Variants in DOCK1 observed in about 807,000 individuals in gnomAD.
DOCK1 encodes the protein dedicator of cytokinesis protein 1.
Under a neutral mutation model 262.7 loss-of-function variants are expected in DOCK1, and 138 were observed. That is an observed-to-expected ratio of 0.53 (90% CI 0.46 to 0.61). The LOEUF (loss-of-function observed/expected upper bound fraction) is 0.61, where lower values mean the gene tolerates loss of function less well. Ranked by LOEUF, DOCK1 falls within the 20% of genes least tolerant of loss-of-function variation. The pLI, the probability that DOCK1 is intolerant of heterozygous loss-of-function variation, is 0.00. For synonymous variants in DOCK1, 866 were observed against 867.4 expected, an observed-to-expected ratio of 1.00 and a Z score of 0.03; for missense variants, 1,908 against 2,370.7, an observed-to-expected ratio of 0.80 and a Z score of 4.05.
intron 16 of DOCK1, among the ~76,000 whole-genome samples, chr10:127,031,133 T>C (rs2043210538): frequency 6.6e-6 from 1 of 152,186 alleles, no homozygotes; most frequent in South Asian, 2.1e-4. Flanking sequence ...TTGATTTTAG[T>C]TTTCTGTATT....
Position 127,339,063 on chromosome 10 carries a change from T to C in DOCK1, c.3102T>C (p.Asp1034=). 6.3e-7 allele frequency: 1 copy of C among 1,577,284 alleles called. No individual in the cohort carries two copies. Among genetic ancestry groups the C allele is most frequent in the Admixed American group, 1.8e-5 (1 of 54,808 alleles). The change falls in exon 30 of 52, where the codon GAT becomes GAC. Residue 1034 remains aspartate (D), a synonymous_variant. Coordinates refer to ENST00000623213, the MANE Select transcript of DOCK1 (RefSeq NM_001290223.2). ...ATATGCTGAACAAAAAATTTCTGGATCAAGCCAACTTTGAGCTACAGGTAA... is the reference window on the plus strand; with the variant it reads ...ATATGCTGAACAAAAAATTTCTGGACCAAGCCAACTTTGAGCTACAGGTAA... ...YADMLNKKFL[D]QANFELQLWN... is the part of the protein sequence containing the mutation.
At chr10:126,974,089 G>A (rs896314627) in intron 2 of DOCK1, among the ~76,000 whole-genome samples, 3 of 152,150 alleles carry the variant, frequency 2.0e-5, no homozygotes, top group African/African-American at 7.2e-5. Flanking sequence ...AGAGCTTTGA[G>A]AGCTCATTCG....
At chr10:127,132,390 CAG>C (rs1310504802) in intron 27 of DOCK1, among the ~76,000 whole-genome samples, 6 of 152,158 alleles carry the variant, frequency 3.9e-5, no homozygotes, top group Non-Finnish European at 7.3e-5. Flanking sequence ...TGCCCAGAGA[CAG>C]AAGCGTTGCA....
chr10:127,210,424 C>T (rs2057925545), intron 27 of DOCK1, among the ~76,000 whole-genome samples: 1 of 152,172 alleles, frequency 6.6e-6, no homozygotes, highest in Non-Finnish European at 1.5e-5. Flanking sequence ...GATGTAGAAC[C>T]GTGTGCATTT....
At chr10:126,929,778 G>C (rs929572133) in intron 1 of DOCK1, among the ~76,000 whole-genome samples, 1 of 152,136 alleles carries the variant, frequency 6.6e-6, no homozygotes. Context: ...TTAAGTTCAT[G>C]AATCAGTTGC....
At chr10:127,150,503 C>G (rs764947223) in intron 27 of DOCK1, among the ~76,000 whole-genome samples, 1 of 152,208 alleles carries the variant, frequency 6.6e-6, no homozygotes, top group Non-Finnish European at 1.5e-5. Flanking sequence ...CCTGTCCTTT[C>G]ACGACATAAG....
intron 23 of DOCK1, among the ~76,000 whole-genome samples, chr10:127,094,187 C>A (rs1322077451): frequency 6.6e-6 from 1 of 152,154 alleles, no homozygotes; most frequent in Non-Finnish European, 1.5e-5. Flanking sequence ...GAGTGAGAAC[C>A]TGTCTCAAAA....
intron 28 of DOCK1, among the ~76,000 whole-genome samples, chr10:127,255,337 C>T (rs2059794638): frequency 1.3e-5 from 2 of 152,096 alleles, no homozygotes; most frequent in African/African-American, 4.8e-5. Context: ...AGGGTTGAAG[C>T]TACAGTGAAC....
At chr10:127,093,306 C>T (rs113001770) in intron 23 of DOCK1, among the ~76,000 whole-genome samples, 4,189 of 130,330 alleles carry the variant, frequency 0.032, 213 homozygotes, top group African/African-American at 0.12. Context: ...AGTGCAGTGG[C>T]GTGATCTCGG....
intron 23 of DOCK1, among the ~76,000 whole-genome samples, chr10:127,062,939 A>G (rs1249962452): frequency 2.0e-5 from 3 of 152,112 alleles, no homozygotes; most frequent in East Asian, 3.9e-4. Context: ...TGGAAGAAAG[A>G]TCCCTTCCAC....
chr10:126,987,336 A>G (rs2039476323), intron 4 of DOCK1, among the ~76,000 whole-genome samples, 185 bp from the exon 5 acceptor site: 1 of 152,218 alleles, frequency 6.6e-6, no homozygotes, highest in African/African-American at 2.4e-5. Flanking sequence ...CAAGCTCTGT[A>G]CAAATATAAC....
At chr10:127,061,164 G>T (rs2045505207) in intron 22 of DOCK1, among the ~76,000 whole-genome samples, 1 of 152,174 alleles carries the variant, frequency 6.6e-6, no homozygotes, top group Non-Finnish European at 1.5e-5. Flanking sequence ...GGAAGCGGTG[G>T]TTGCAGTGAG....
intron 27 of DOCK1, among the ~76,000 whole-genome samples, chr10:127,178,545 A>G (rs1377763205): frequency 6.6e-6 from 1 of 152,200 alleles, no homozygotes; most frequent in Non-Finnish European, 1.5e-5. Context: ...GAACCACTGC[A>G]TTAGCCCTTG....
chr10:127,250,873 CT>C (rs199987416), intron 28 of DOCK1, among the ~76,000 whole-genome samples: 250 of 142,168 alleles, frequency 1.8e-3, no homozygotes, highest in Admixed American at 2.8e-3. Context: ...AGTATGTGAA[CT>C]TTTTTACTGT....
intron 9 of DOCK1, 36 bp from the exon 10 acceptor site, chr10:127,000,136 G>A (rs2040482706): frequency 1.2e-6 from 2 of 1,609,696 alleles, no homozygotes; most frequent in East Asian, 4.5e-5. Flanking sequence ...TGAATAATGG[G>A]TCTCCAAAAT....
At chr10:127,374,535 G>A (rs554317329) in intron 35 of DOCK1, among the ~76,000 whole-genome samples, 63 of 152,260 alleles carry the variant, frequency 4.1e-4, no homozygotes, top group African/African-American at 1.4e-3. Flanking sequence ...GACCATAAAC[G>A]CGTGCTATGT....
intron 27 of DOCK1, among the ~76,000 whole-genome samples, chr10:127,186,439 A>G (rs2056235850): frequency 6.8e-6 from 1 of 146,274 alleles, no homozygotes; most frequent in African/African-American, 2.5e-5. Context: ...TCCTTAACAC[A>G]TCCGATAGAC....
intron 50 of DOCK1, 80 bp downstream of exon 50, chr10:127,444,359 G>T: frequency 6.9e-7 from 1 of 1,458,376 alleles, no homozygotes; most frequent in South Asian, 1.4e-5. Context: ...GGTTAGAAGC[G>T]CTTCCTCCCT....
chr10:127,168,503 G>A (rs1046483402), intron 27 of DOCK1, among the ~76,000 whole-genome samples: 2 of 152,214 alleles, frequency 1.3e-5, no homozygotes, highest in Non-Finnish European at 2.9e-5. Flanking sequence ...ACGGCACTCA[G>A]TATTCCAGAG....
Sources: gnomAD v4.1 joint callset for allele counts (sites outside exome capture counted in the v4.1 genomes callset) on GRCh38, gnomAD v4.1.1 for gene constraint, MANE v1.5 for transcripts, NCBI Gene and HGNC (gene_info 2026-07-23, HGNC 2026-07-21) for gene names.